Variants in AKAP11 observed in about 807,000 individuals in gnomAD.
AKAP11 encodes A-kinase anchor protein 11.
In AKAP11, 36 loss-of-function variants were observed where a neutral mutation model predicts 146.1. The ratio of observed to expected loss-of-function variants is 0.25; its 90% CI spans 0.19 to 0.33. AKAP11 has a LOEUF of 0.33. AKAP11 is among the 10% of genes least tolerant of loss of function. The pLI is 1.00. For missense variants in AKAP11, 2,201 were observed against 2,197.0 expected (o/e 1.00, Z -0.04); for synonymous variants, 780 against 786.5 (o/e 0.99, Z 0.14).
intron 12 of AKAP11, 111 bp from the exon 13 acceptor site, chr13:42,318,977 T>C: frequency 7.7e-7 from 1 of 1,292,518 alleles, no homozygotes; most frequent in South Asian, 1.4e-5. Context: ...GGAAACGGTA[T>C]TTAATTGTAA....
Position 42,298,643 on chromosome 13 carries a change from C to A in AKAP11, c.462C>A (p.Tyr154Ter). ...GTAAATATGCTACTGGTATAAGGTACACCTTGGACACATTCTTGCATCAGA... is the reference window on the plus strand; with the variant it reads ...GTAAATATGCTACTGGTATAAGGTAAACCTTGGACACATTCTTGCATCAGA... The part of the protein sequence containing the change: ...LLSKYATGIR[Y>*]TLDTFLHQKH... Residue 154 changes from tyrosine to a stop codon, truncating the protein, a stop_gained, in exon 7 of 13, where the codon TAC becomes TAA. Transcript: ENST00000025301. LOFTEE classifies it high-confidence loss of function. 1 of 1,611,526 alleles carries A rather than the reference C, an allele frequency of 6.2e-7. No individual in the cohort carries two copies. Among genetic ancestry groups the A allele is most frequent in the Non-Finnish European group, 8.5e-7 (1 of 1,179,168 alleles).
chr13:42,295,460 T>C (rs2138544930), intron 4 of AKAP11, among the ~76,000 whole-genome samples: 1 of 152,182 alleles, frequency 6.6e-6, no homozygotes, highest in East Asian at 1.9e-4. Flanking sequence ...TGAAATATGT[T>C]TTGGGGTTAG....
intron 10 of AKAP11, 139 bp downstream of exon 10, chr13:42,313,269 G>C: frequency 1.6e-6 from 1 of 632,166 alleles, no homozygotes; most frequent in East Asian, 3.0e-5. Context: ...GATTCTGCTT[G>C]ATGAATTCAC....
intron 5 of AKAP11, 118 bp downstream of exon 5, chr13:42,295,860 T>C: frequency 1.2e-6 from 1 of 858,468 alleles, no homozygotes; most frequent in Admixed American, 2.3e-5. Flanking sequence ...TTTTTCTGCA[T>C]TCTGTGTATA....
chr13:42,289,634 C>T (rs1239759278), intron 3 of AKAP11, among the ~76,000 whole-genome samples: 2 of 152,014 alleles, frequency 1.3e-5, no homozygotes, highest in African/African-American at 4.8e-5. Context: ...CCTACTTTAC[C>T]TTCCTCAGAC....
chr13:42,300,161 T>G lies in AKAP11; in HGVS notation c.1415T>G (p.Ile472Ser). The change falls in exon 8 of 13, where the codon ATT (isoleucine) becomes AGT (serine). Residue 472 changes from isoleucine (I) to serine (S), a missense_variant. Ile to Ser is a moderately radical substitution (Grantham distance 142). Transcript: ENST00000025301. The stretch of plus-strand genomic sequence containing the variant: ...GCTGAATGTTTTTGCCAAACAGATA[T>G]TGGTGGAGATAGGATTCATGAAAAT... ...TPAECFCQTD[I>S]GGDRIHENHD... The G allele has an allele frequency of 1.2e-6, 2 of 1,613,962 alleles. No homozygotes were observed. Among genetic ancestry groups the G allele is most frequent in the Non-Finnish European group, 1.7e-6 (2 of 1,179,868 alleles).
At chr13:42,288,053 TACATA>T (rs1314788621) in intron 3 of AKAP11, among the ~76,000 whole-genome samples, 1 of 152,214 alleles carries the variant, frequency 6.6e-6, no homozygotes, top group East Asian at 1.9e-4. Context: ...ATCCAGATAT[TACATA>T]CTGTTTATAT....
At chr13:42,308,915 C>A (rs1960418109) in intron 9 of AKAP11, among the ~76,000 whole-genome samples, 1 of 150,054 alleles carries the variant, frequency 6.7e-6, no homozygotes, top group South Asian at 2.1e-4. Context: ...TTTTTTTTCA[C>A]TTTAAAAAGG....
intron 1 of AKAP11, among the ~76,000 whole-genome samples, chr13:42,278,822 C>G (rs1027702858): frequency 3.3e-5 from 5 of 152,036 alleles, no homozygotes; most frequent in African/African-American, 4.8e-5. Flanking sequence ...CATAGTTACT[C>G]TAGTGGTGGT....
chr13:42,317,407 A>AT, intron 11 of AKAP11, 121 bp from the exon 12 acceptor site: 2 of 1,061,522 alleles, frequency 1.9e-6, no homozygotes, highest in Non-Finnish European at 2.7e-6. Flanking sequence ...AAAGATGGAT[A>AT]TTTTTTTCAC....
At chr13:42,308,679 A>G (rs1237507077) in intron 9 of AKAP11, 70 bp downstream of exon 9, 6 of 1,206,516 alleles carry the variant, frequency 5.0e-6, no homozygotes, top group African/African-American at 4.7e-5. Flanking sequence ...ATAAATTTAC[A>G]TTATTATTTA....
rs1961032974 is a variant in AKAP11 at position 42,320,331 on chromosome 13, G to GATAA, written c.*1105_*1108dup. 1 of 99,206 alleles carries GATAA rather than the reference G, an allele frequency of 1.0e-5. No homozygotes were observed. The highest frequency in any genetic ancestry group is 3.9e-5 in the African/African-American group (1 of 25,436). The allele number at this position is 99,206 out of a possible 1,614,324, so 6.1% of individuals were successfully genotyped here. ...ATTTCCCCCCACCCCGCCCCACCCA[G>GATAA]ATAAACTATATCTACACTGTCTCGT... is the stretch of plus-strand genomic sequence containing the variant. On this transcript the variant is annotated 3_prime_UTR_variant, in exon 13 of 13. Coordinates refer to ENST00000025301, the MANE Select transcript of AKAP11 (RefSeq NM_016248.4).
intron 11 of AKAP11, among the ~76,000 whole-genome samples, chr13:42,315,700 T>C (rs1353377783): frequency 6.6e-6 from 1 of 152,248 alleles, no homozygotes; most frequent in African/African-American, 2.4e-5. Context: ...TATGTTGATA[T>C]GTCATTACTG....
chr13:42,301,997 A>C lies in AKAP11; in HGVS notation c.3251A>C (p.His1084Pro). The C allele has an allele frequency of 1.2e-6, 2 of 1,613,678 alleles. No homozygotes were observed. Reference sequence around the variant, plus strand: ...GCACTTACCTGTGTAGATGGTTTGCATGTGGAAGATAAACAGAAAGTCAGA... The same window carrying C: ...GCACTTACCTGTGTAGATGGTTTGCCTGTGGAAGATAAACAGAAAGTCAGA... ...STALTCVDGLHVEDKQKVRDR... is the reference protein window; with the variant it reads ...STALTCVDGLPVEDKQKVRDR... Residue 1084 changes from histidine (H) to proline (P), a missense_variant, in exon 8 of 13, where the codon CAT (histidine) becomes CCT (proline). By Grantham distance (77) the His-to-Pro change is moderately conservative. Transcript: ENST00000025301.
At position 42,303,389 on chromosome 13, in the gene AKAP11, T is replaced by C; in HGVS notation, c.4643T>C (p.Val1548Ala). ...QAVEQYAKKV[V>A]DDTLELTLGS... Reference sequence around the variant, plus strand: ...GTAGAACAGTATGCCAAAAAAGTAGTGGATGACACTCTAGAGCTAACTCTA... The same window carrying C: ...GTAGAACAGTATGCCAAAAAAGTAGCGGATGACACTCTAGAGCTAACTCTA... Residue 1548 changes from valine to alanine, a missense_variant, in exon 8 of 13, where the codon GTG (valine) becomes GCG (alanine). Val to Ala is a moderately conservative substitution (Grantham distance 64, BLOSUM62 0). Transcript: ENST00000025301. The C allele has an allele frequency of 6.2e-7, 1 of 1,613,866 alleles. No individual in the cohort carries two copies. Among genetic ancestry groups the C allele is most frequent in the Non-Finnish European group, 8.5e-7 (1 of 1,180,030 alleles).
In AKAP11 at chr13:42,323,210, C is replaced by T. The variant is rs955419177; in HGVS notation, c.*3982C>T. 6.6e-6 allele frequency: 1 copy of T among 152,640 alleles called. No homozygotes were observed. The highest frequency in any genetic ancestry group is 1.5e-5 in the Non-Finnish European group (1 of 67,998). The allele number at this position is 152,640 out of a possible 1,614,324, so 9.5% of individuals were successfully genotyped here. On this transcript the variant is annotated 3_prime_UTR_variant, in exon 13 of 13. Transcript: ENST00000025301. The stretch of plus-strand genomic sequence containing the variant: ...TTCTTTTATCTTACAATTGTTTAAG[C>T]CTGTGATCTTTCTTCTCCCAGCTAA...
chr13:42,273,786 A>C (rs1421661789), intron 1 of AKAP11, among the ~76,000 whole-genome samples: 1 of 152,140 alleles, frequency 6.6e-6, no homozygotes, highest in African/African-American at 2.4e-5. Flanking sequence ...AAAATACGGT[A>C]CTTTTAATTT....
intron 8 of AKAP11, among the ~76,000 whole-genome samples, chr13:42,305,896 C>T (rs1960228328): frequency 6.6e-6 from 1 of 152,306 alleles, no homozygotes; most frequent in Non-Finnish European, 1.5e-5. Context: ...GTGTTTTCTT[C>T]ACAAGGCAGC....
At chr13:42,309,340 C>T (rs1419640693) in intron 9 of AKAP11, among the ~76,000 whole-genome samples, 1 of 152,034 alleles carries the variant, frequency 6.6e-6, no homozygotes, top group Non-Finnish European at 1.5e-5. Flanking sequence ...TAATAGATAC[C>T]ATTTGTAGCA....
Sources: gnomAD v4.1 joint callset for allele counts (sites outside exome capture counted in the v4.1 genomes callset) on GRCh38, gnomAD v4.1.1 for gene constraint, MANE v1.5 for transcripts, NCBI Gene and HGNC (gene_info 2026-07-23, HGNC 2026-07-21) for gene names.